Variants in CDH9 observed in about 807,000 individuals in gnomAD.
CDH9 encodes the protein cadherin 9, also known as cadherin-9.
Under a neutral mutation model 70.9 loss-of-function variants are expected in CDH9, and 28 were observed. That is an observed-to-expected ratio of 0.40 (90% CI 0.29 to 0.54). CDH9 has a LOEUF of 0.54. CDH9 is among the 20% of genes least tolerant of loss of function. The pLI is 0.59. For synonymous variants in CDH9, 409 were observed against 343.1 expected (o/e 1.19, Z -2.12); for missense variants, 874 against 984.4 (o/e 0.89, Z 1.50).
intron 2 of CDH9, among the ~76,000 whole-genome samples, chr5:26,943,413 T>C (rs1741695869): frequency 1.3e-5 from 2 of 151,392 alleles, no homozygotes; most frequent in Non-Finnish European, 2.9e-5. Context: ...CTCATGAGGC[T>C]GAGGCAGGAG....
At chr5:26,888,444 T>C (rs1246192492) in intron 9 of CDH9, among the ~76,000 whole-genome samples, 3 of 151,988 alleles carry the variant, frequency 2.0e-5, no homozygotes, top group Non-Finnish European at 4.4e-5. Flanking sequence ...AGGTAATAAT[T>C]GAATAAGTAA....
At chr5:26,938,799 A>G (rs1448549186) in intron 2 of CDH9, among the ~76,000 whole-genome samples, 1 of 152,118 alleles carries the variant, frequency 6.6e-6, no homozygotes. Flanking sequence ...TGTATTCAGC[A>G]ACTTGTATGT....
At chr5:27,037,449 C>T (rs1002320862) in intron 1 of CDH9, among the ~76,000 whole-genome samples, 1 of 151,952 alleles carries the variant, frequency 6.6e-6, no homozygotes, top group East Asian at 1.9e-4. Flanking sequence ...TTATCTACTA[C>T]AGTTAATAAC....
chr5:27,018,676 A>T (rs1478197573), intron 1 of CDH9, among the ~76,000 whole-genome samples: 5 of 151,950 alleles, frequency 3.3e-5, no homozygotes, highest in Non-Finnish European at 5.9e-5. Context: ...ATATTATCAG[A>T]GTAAATTATA....
chr5:26,940,981 G>C (rs781094349), intron 2 of CDH9, among the ~76,000 whole-genome samples: 2 of 152,212 alleles, frequency 1.3e-5, no homozygotes, highest in Non-Finnish European at 2.9e-5. Flanking sequence ...GGTTTTCATA[G>C]AACATAAATT....
chr5:26,990,608 A>T (rs925783976), intron 1 of CDH9, among the ~76,000 whole-genome samples: 1 of 152,178 alleles, frequency 6.6e-6, no homozygotes, highest in African/African-American at 2.4e-5. Flanking sequence ...TAATGCTTAG[A>T]AAAATGTGCA....
At chr5:26,937,781 G>A (rs767511598) in intron 2 of CDH9, among the ~76,000 whole-genome samples, 1 of 152,030 alleles carries the variant, frequency 6.6e-6, no homozygotes, top group Non-Finnish European at 1.5e-5. Context: ...AAACTATGAA[G>A]CAAGTACAAT....
chr5:27,016,337 GA>G (rs1743046086), intron 1 of CDH9, among the ~76,000 whole-genome samples: 1 of 151,764 alleles, frequency 6.6e-6, no homozygotes, highest in Non-Finnish European at 1.5e-5. Flanking sequence ...ATTGTTTGAT[GA>G]AAAAGTACAT....
intron 2 of CDH9, among the ~76,000 whole-genome samples, chr5:26,926,581 G>GAA (rs555710036): frequency 4.0e-5 from 6 of 149,590 alleles, no homozygotes; most frequent in African/African-American, 9.8e-5. Context: ...CACAGAATTG[G>GAA]AAAAAAAAAC....
chr5:26,934,442 G>A (rs186629006), intron 2 of CDH9, among the ~76,000 whole-genome samples: 1 of 152,174 alleles, frequency 6.6e-6, no homozygotes, highest in East Asian at 1.9e-4. Context: ...TCTAGCCTCG[G>A]CTACAGAACA....
intron 1 of CDH9, among the ~76,000 whole-genome samples, chr5:27,035,896 T>G (rs1743385655): frequency 6.6e-6 from 1 of 151,854 alleles, no homozygotes; most frequent in African/African-American, 2.4e-5. Context: ...AGCATCTGCA[T>G]TAATATTGAA....
At chr5:26,945,741 ACT>A (rs1037701292) in intron 2 of CDH9, among the ~76,000 whole-genome samples, 3 of 152,144 alleles carry the variant, frequency 2.0e-5, no homozygotes, top group Admixed American at 6.5e-5. Context: ...TAGATCAAAA[ACT>A]CTGAATTAAA....
At chr5:26,892,062 C>A (rs1740669535) in intron 7 of CDH9, among the ~76,000 whole-genome samples, 1 of 152,092 alleles carries the variant, frequency 6.6e-6, no homozygotes, top group Non-Finnish European at 1.5e-5. Context: ...AACTTCTGAT[C>A]CACAAAAGTT....
At chr5:27,008,024 T>C (rs188451417) in intron 1 of CDH9, among the ~76,000 whole-genome samples, 471 of 152,246 alleles carry the variant, frequency 3.1e-3, no homozygotes, top group Middle Eastern at 6.8e-3. Flanking sequence ...ACGTTATACA[T>C]GTGGAACAGA....
rs544586367 is a variant in CDH9 at position 26,896,676 on chromosome 5, G to C, written c.1253+5800C>G. Among the ~76,000 whole-genome samples the C allele has an allele frequency of 3.3e-5, 5 of 152,078 alleles. No individual in the cohort carries two copies. The East Asian group carries it at 9.7e-4, about 30-fold the overall frequency. ...TGGGACACAGCTAAAGCAGTGTTTA[G>C]AGGGAAATTTATAGCACTAAATGCC... On this transcript the variant is annotated intron_variant, in intron 7 of 11. Transcript: ENST00000231021.
intron 2 of CDH9, among the ~76,000 whole-genome samples, chr5:26,973,108 C>T (rs939326485): frequency 6.6e-6 from 1 of 152,114 alleles, no homozygotes; most frequent in Non-Finnish European, 1.5e-5. Context: ...GTGATCTGCC[C>T]GCCTCGGCCT....
At chr5:26,895,932 C>T (rs1233967712) in intron 7 of CDH9, among the ~76,000 whole-genome samples, 2 of 151,950 alleles carry the variant, frequency 1.3e-5, no homozygotes, top group East Asian at 1.9e-4. Flanking sequence ...TTTCTTCACA[C>T]TATAATTGGA....
At chr5:27,025,580 G>A (rs754085702) in intron 1 of CDH9, among the ~76,000 whole-genome samples, 1 of 152,046 alleles carries the variant, frequency 6.6e-6, no homozygotes, top group Non-Finnish European at 1.5e-5. Flanking sequence ...GCTAACAGTG[G>A]AACCTGCAAG....
At chr5:26,935,772 A>G (rs1477513697) in intron 2 of CDH9, among the ~76,000 whole-genome samples, 3 of 152,204 alleles carry the variant, frequency 2.0e-5, no homozygotes, top group African/African-American at 7.2e-5. Flanking sequence ...CCAATGAAAA[A>G]GAAGTCATTA....
Sources: gnomAD v4.1 joint callset for allele counts (sites outside exome capture counted in the v4.1 genomes callset) on GRCh38, gnomAD v4.1.1 for gene constraint, MANE v1.5 for transcripts, NCBI Gene and HGNC (gene_info 2026-07-23, HGNC 2026-07-21) for gene names.